Variants in RABGEF1 observed in about 807,000 individuals in gnomAD.
RABGEF1 encodes rab5 GDP/GTP exchange factor.
In RABGEF1, 26 loss-of-function variants were observed where a neutral mutation model predicts 57.3. The ratio of observed to expected loss-of-function variants is 0.45; its 90% CI spans 0.33 to 0.63. RABGEF1 has a LOEUF of 0.63. RABGEF1 is among the 20% of genes least tolerant of loss of function. The probability of loss-of-function intolerance (pLI) is 0.02; values close to 1 mark genes in which losing one functional copy is unlikely to be tolerated. For synonymous variants in RABGEF1, 185 were observed against 210.7 expected (o/e 0.88, Z 1.06); for missense variants, 464 against 607.6 (o/e 0.76, Z 2.48).
At chr7:66,734,949 TTTC>T (rs1303225684) in intron 2 of RABGEF1, among the ~76,000 whole-genome samples, 4 of 152,204 alleles carry the variant, frequency 2.6e-5, no homozygotes, top group Non-Finnish European at 5.9e-5. Flanking sequence ...TTCCGTGTGA[TTTC>T]TTCTTTTGCT....
At chr7:66,736,013 A>G (rs1797902611), upstream of RABGEF1, among the ~76,000 whole-genome samples, 1 of 152,186 alleles carries the variant, frequency 6.6e-6, no homozygotes, top group Non-Finnish European at 1.5e-5. Context: ...GTTGCTGTCC[A>G]CTGTCACAAC....
upstream of RABGEF1, among the ~76,000 whole-genome samples, chr7:66,677,278 A>G (rs1221581012): frequency 6.6e-6 from 1 of 152,194 alleles, no homozygotes; most frequent in African/African-American, 2.4e-5. Context: ...TGAAAAATCT[A>G]CAGTTAACAT....
At chr7:66,794,430 A>G (rs1232887091) in intron 4 of RABGEF1, among the ~76,000 whole-genome samples, 1 of 151,982 alleles carries the variant, frequency 6.6e-6, no homozygotes, top group East Asian at 1.9e-4. Context: ...CACTGGGATT[A>G]CAGTTATTTG....
chr7:66,799,392 T>G lies in RABGEF1; in HGVS notation c.798T>G (p.Asp266Glu), dbSNP rs1786774602. 7 of 1,611,102 alleles carry G rather than the reference T, an allele frequency of 4.3e-6. No homozygotes were observed. The highest frequency in any genetic ancestry group is 5.9e-6 in the Non-Finnish European group (7 of 1,177,238). The stretch of plus-strand genomic sequence containing the variant: ...ATGAAGACATCCCAGAAGTGTCTGA[T>G]ATGGTGGTGAAGGCGATCACAGGTC... ...PVNEDIPEVS[D>E]MVVKAITDII... Residue 266 changes from aspartate (D) to glutamate (E), a missense_variant, in exon 7 of 9, where the codon GAT (aspartate) becomes GAG (glutamate). Transcript: ENST00000284957.
chr7:66,757,016 A>C (rs1400905927), intron 1 of RABGEF1, among the ~76,000 whole-genome samples: 1 of 152,218 alleles, frequency 6.6e-6, no homozygotes, highest in Non-Finnish European at 1.5e-5. Flanking sequence ...TTAGAAAATC[A>C]AAAAATAATT....
chr7:66,749,665 C>T (rs1021986659), intron 1 of RABGEF1, among the ~76,000 whole-genome samples: 1 of 152,078 alleles, frequency 6.6e-6, no homozygotes, highest in African/African-American at 2.4e-5. Flanking sequence ...CAAAGCAAGA[C>T]TCCATCTCTA....
At chr7:66,778,903 G>A (rs897100135) in intron 3 of RABGEF1, among the ~76,000 whole-genome samples, 7 of 152,068 alleles carry the variant, frequency 4.6e-5, no homozygotes, top group Non-Finnish European at 1.0e-4. Flanking sequence ...ATCACCTAAG[G>A]TTGGGAGTTT....
At chr7:66,805,457 G>A (rs1340829010) in intron 8 of RABGEF1, 61 bp downstream of exon 8, 1 of 1,596,914 alleles carries the variant, frequency 6.3e-7, no homozygotes, top group East Asian at 2.2e-5. Flanking sequence ...TTTTGGGGAT[G>A]TGACAGGTCA....
the RABGEF1 span, among the ~76,000 whole-genome samples, chr7:66,661,204 C>G: frequency 6.9e-6 from 1 of 144,144 alleles, no homozygotes; most frequent in Non-Finnish European, 1.5e-5. Flanking sequence ...GAGGCTGAGG[C>G]AGGAGAATGG....
At chr7:66,744,354 A>G (rs1368372457) in intron 1 of RABGEF1, among the ~76,000 whole-genome samples, 2 of 150,944 alleles carry the variant, frequency 1.3e-5, no homozygotes, top group Admixed American at 6.6e-5. Context: ...GCAAAATAGC[A>G]AGACTGCATC....
chr7:66,703,880 A>G (rs1793642182), intron 1 of RABGEF1, among the ~76,000 whole-genome samples: 1 of 152,158 alleles, frequency 6.6e-6, no homozygotes, highest in Non-Finnish European at 1.5e-5. Flanking sequence ...GATCATTTTG[A>G]TGGGTATTGC....
chr7:66,699,247 C>T (rs1455566165), intron 1 of RABGEF1, among the ~76,000 whole-genome samples: 8 of 152,274 alleles, frequency 5.3e-5, no homozygotes, highest in Non-Finnish European at 7.4e-5. Flanking sequence ...ATGGGGGGCA[C>T]GGGGCATACA....
chr7:66,655,344 G>T, the RABGEF1 span, among the ~76,000 whole-genome samples: 37 of 152,150 alleles, frequency 2.4e-4, no homozygotes, highest in Admixed American at 7.2e-4. Flanking sequence ...TAGGTCATAG[G>T]CAGCTGGCGG....
At chr7:66,707,652 C>T (rs1246546062) in intron 1 of RABGEF1, among the ~76,000 whole-genome samples, 2 of 152,168 alleles carry the variant, frequency 1.3e-5, no homozygotes, top group East Asian at 1.9e-4. Flanking sequence ...TGCACCACTG[C>T]ACTCCAGACT....
intron 3 of RABGEF1, among the ~76,000 whole-genome samples, chr7:66,779,044 AG>A (rs1809233017): frequency 6.6e-6 from 1 of 151,896 alleles, no homozygotes; most frequent in Admixed American, 6.6e-5. Flanking sequence ...GAACCCGGGG[AG>A]TGGAGGTTGC....
intron 8 of RABGEF1, among the ~76,000 whole-genome samples, chr7:66,806,092 A>G (rs1490815252): frequency 6.6e-6 from 1 of 151,934 alleles, no homozygotes; most frequent in African/African-American, 2.4e-5. Context: ...TTTGCTTTAG[A>G]GGGAATGTAC....
Position 66,808,892 on chromosome 7 carries a change from G to T in RABGEF1, c.1084G>T (p.Ala362Ser). 6.3e-7 allele frequency: 1 copy of T among 1,591,298 alleles called. No individual in the cohort carries two copies. ...DGYYFTNLCCAVAFIEKLDAQ... is the reference protein window; with the variant it reads ...DGYYFTNLCCSVAFIEKLDAQ... ...TAACGTCCTCTTCTTGTAGTGCTGT[G>T]CTGTGGCTTTCATTGAGAAGCTAGA... The change falls in exon 9 of 9, where the codon GCT becomes TCT. Residue 362 changes from alanine to serine, a missense_variant. Transcript: ENST00000284957.
intron 1 of RABGEF1, among the ~76,000 whole-genome samples, chr7:66,708,904 G>T (rs1794451599): frequency 6.6e-6 from 1 of 152,096 alleles, no homozygotes; most frequent in South Asian, 2.1e-4. Context: ...TGTGATGGGA[G>T]GGGGATAGGG....
chr7:66,780,309 C>A (rs1809591983), intron 3 of RABGEF1, among the ~76,000 whole-genome samples: 1 of 152,182 alleles, frequency 6.6e-6, no homozygotes, highest in Non-Finnish European at 1.5e-5. Flanking sequence ...GTTCAAATTC[C>A]ATTCTTTACT....
Sources: allele counts gnomAD v4.1 joint callset (sites outside exome capture counted in the v4.1 genomes callset), GRCh38; gene constraint gnomAD v4.1.1; transcripts MANE v1.5; gene names NCBI Gene and HGNC (gene_info 2026-07-23, HGNC 2026-07-21).